The following TACC2 variants were observed in gnomAD, a reference collection of about 807,000 sequenced individuals.
TACC2 encodes the protein transforming acidic coiled-coil-containing protein 2.
In TACC2, 137 loss-of-function variants were observed where a neutral mutation model predicts 227.3. The ratio of observed to expected loss-of-function variants is 0.60; its 90% confidence interval spans 0.52 to 0.69. The LOEUF is 0.69. TACC2 is among the 30% of genes least tolerant of loss of function. The pLI, the probability that TACC2 is intolerant of heterozygous loss-of-function variation, is 0.00. For missense variants in TACC2, 3,470 were observed against 3,694.4 expected (o/e 0.94, Z 1.57); for synonymous variants, 1,523 against 1,487.5 (o/e 1.02, Z -0.55).
intron 18 of TACC2, 26 bp from the exon 19 acceptor site, chr10:122,241,932 C>T (rs1228742938): frequency 6.2e-7 from 1 of 1,611,950 alleles, no homozygotes; most frequent in Admixed American, 1.7e-5. Context: ...TGTCATGACT[C>T]CAACGTGTCT....
intron 2 of TACC2, among the ~76,000 whole-genome samples, chr10:122,030,102 C>T (rs1958756651): frequency 6.6e-6 from 1 of 152,116 alleles, no homozygotes; most frequent in Non-Finnish European, 1.5e-5. Context: ...TTATCCAGCA[C>T]AAAATGTCAA....
intron 5 of TACC2, among the ~76,000 whole-genome samples, chr10:122,120,794 T>C (rs2085613638): frequency 6.6e-6 from 1 of 151,878 alleles, no homozygotes; most frequent in Middle Eastern, 3.2e-3. Context: ...GGAGTCCTGC[T>C]CTGTCGTCCA....
intron 5 of TACC2, among the ~76,000 whole-genome samples, chr10:122,117,473 G>C (rs11816457): frequency 6.6e-6 from 1 of 152,156 alleles, no homozygotes; most frequent in Non-Finnish European, 1.5e-5. Context: ...GGGATTACAG[G>C]TGTGAGCCAC....
At chr10:122,011,210 C>A (rs4468284) in intron 1 of TACC2, among the ~76,000 whole-genome samples, 69,476 of 130,722 alleles carry the variant, frequency 0.53, 16,025 homozygotes, top group South Asian at 0.66. Flanking sequence ...GACAGTGACA[C>A]AGGGCCAGGT....
intron 7 of TACC2, among the ~76,000 whole-genome samples, chr10:122,146,163 C>T (rs747827195): frequency 2.0e-5 from 3 of 152,034 alleles, no homozygotes; most frequent in African/African-American, 4.8e-5. Context: ...CCCAGGGAAT[C>T]GACTGAGAGC....
intron 1 of TACC2, among the ~76,000 whole-genome samples, chr10:121,995,722 G>C (rs1320639933): frequency 6.6e-6 from 1 of 152,138 alleles, no homozygotes; most frequent in Non-Finnish European, 1.5e-5. Context: ...ATGTCACATG[G>C]CAAGAGACAG....
chr10:122,196,933 C>CAAAAAAAA (rs58473562), intron 8 of TACC2, among the ~76,000 whole-genome samples: 10 of 78,180 alleles, frequency 1.3e-4, no homozygotes, highest in Non-Finnish European at 1.9e-4. Flanking sequence ...GAGTCCGTCT[C>CAAAAAAAA]AAAAAAAAAA....
chr10:122,248,527 G>A, intron 19 of TACC2, 116 bp from the exon 20 acceptor site: 1 of 1,216,026 alleles, frequency 8.2e-7, no homozygotes, highest in Non-Finnish European at 1.2e-6. Context: ...GGAAAAGCTG[G>A]GGTTTGAGAT....
intron 5 of TACC2, chr10:122,126,663 T>C (rs2086934224): frequency 6.6e-6 from 1 of 152,112 alleles, no homozygotes; most frequent in Non-Finnish European, 1.5e-5. Context: ...GAAGCCTTTC[T>C]GACAGAACCA....
intron 2 of TACC2, chr10:122,022,309 A>G (rs989122898): frequency 4.3e-5 from 13 of 299,210 alleles, no homozygotes; most frequent in Admixed American, 2.9e-4. Flanking sequence ...TGGCATGATC[A>G]TAGCTCACTG....
chr10:122,032,215 A>G (rs888336953), intron 2 of TACC2, among the ~76,000 whole-genome samples: 2 of 152,222 alleles, frequency 1.3e-5, no homozygotes, highest in African/African-American at 4.8e-5. Flanking sequence ...ACGTAAAGGC[A>G]GCACGTATCT....
chr10:122,098,532 C>T lies in TACC2; in HGVS notation c.5573+9941C>T, dbSNP rs78888523. 2.5e-3 allele frequency among the ~76,000 whole-genome samples: 384 copies of T among 152,236 alleles called. 11 individuals are homozygous for T. The East Asian group carries it at 0.069, about 27-fold the overall frequency. On this transcript the variant is annotated intron_variant, in intron 5 of 22. Coordinates refer to ENST00000369005, the MANE Select transcript of TACC2 (RefSeq NM_206862.4). ...TAGACTCTTTACCCTCGAGCAAGTT[C>T]CTTAGCCACCCTAAGTTTCTTGCCT...
At chr10:122,213,848 C>T (rs530396728) in intron 9 of TACC2, among the ~76,000 whole-genome samples, 1 of 152,308 alleles carries the variant, frequency 6.6e-6, no homozygotes, top group South Asian at 2.1e-4. Flanking sequence ...TGGGCCGTTC[C>T]AAATTGAGGC....
Position 122,216,800 on chromosome 10 carries a change from C to G in TACC2, c.7518C>G (p.Asn2506Lys), listed in dbSNP as rs774923755. The G allele has an allele frequency of 6.8e-6, 11 of 1,613,976 alleles. No individual in the cohort carries two copies. In the Admixed American group the frequency reaches 1.7e-4, roughly 24 times the overall value. The change falls in exon 11 of 23, where the codon AAC becomes AAG. Residue 2506 changes from asparagine (N) to lysine (K), a missense_variant. Around this residue, in one of 10 missense-constraint regions of TACC2, gnomAD observed 345 missense variants for 354.4 expected, o/e 0.97. Coordinates refer to ENST00000369005, the MANE Select transcript of TACC2 (RefSeq NM_206862.4). ...CCTCGGACCTGTCCACCTTTGTAAA[C>G]GAGACCAAATTCAGTTCACCCACTG... ...PQPSDLSTFV[N>K]ETKFSSPTEE...
intron 5 of TACC2, among the ~76,000 whole-genome samples, chr10:122,129,058 T>A (rs7477265): frequency 0.14 from 8,288 of 58,536 alleles, 282 homozygotes; most frequent in South Asian, 0.3. Flanking sequence ...CTATCTTATT[T>A]TAATTATTAT....
At chr10:122,185,396 A>G (rs1334422512) in intron 7 of TACC2, among the ~76,000 whole-genome samples, 1 of 151,984 alleles carries the variant, frequency 6.6e-6, no homozygotes, top group Non-Finnish European at 1.5e-5. Flanking sequence ...GGGTTTCTCC[A>G]TGTTGGCCAG....
At chr10:122,000,736 C>G (rs1166025551) in intron 1 of TACC2, among the ~76,000 whole-genome samples, 5 of 152,090 alleles carry the variant, frequency 3.3e-5, no homozygotes, top group African/African-American at 4.8e-5. Flanking sequence ...ATTTATTATC[C>G]TACTTTCCAC....
intron 7 of TACC2, among the ~76,000 whole-genome samples, chr10:122,191,791 T>G (rs771291744): frequency 6.6e-6 from 1 of 152,256 alleles, no homozygotes; most frequent in Non-Finnish European, 1.5e-5. Context: ...TGCTACATTT[T>G]TGTAGCAAAT....
intron 5 of TACC2, among the ~76,000 whole-genome samples, chr10:122,096,864 T>G (rs910688536): frequency 6.6e-6 from 1 of 152,194 alleles, no homozygotes; most frequent in African/African-American, 2.4e-5. Context: ...CTTCTCTGCT[T>G]TCTTAATGCC....
Sources: gnomAD v4.1 joint callset for allele counts (sites outside exome capture counted in the v4.1 genomes callset) on GRCh38, gnomAD v4.1.1 for gene constraint, gnomAD v4.1.1 regional missense constraint, MANE v1.5 for transcripts, NCBI Gene and HGNC (gene_info 2026-07-23, HGNC 2026-07-21) for gene names.